Variants in TBL1X observed in about 807,000 individuals in gnomAD.
TBL1X encodes transducin beta like 1 X-linked, also known as F-box-like/WD repeat-containing protein TBL1X.
In TBL1X, 10 loss-of-function variants were observed where a neutral mutation model predicts 50.7. The observed-to-expected ratio is 0.20, with a 90% confidence interval of 0.12 to 0.33. TBL1X has a LOEUF of 0.33. Ranked by LOEUF, TBL1X falls within the 10% of genes least tolerant of loss-of-function variation. The pLI is 1.00. For missense variants in TBL1X, 340 were observed against 504.4 expected (o/e 0.67, Z 3.12); for synonymous variants, 190 against 214.7 (o/e 0.88, Z 1.01).
chrX:9,633,900 G>T (rs2082733246), intron 2 of TBL1X, among the ~76,000 whole-genome samples: 2 of 111,588 alleles, frequency 1.8e-5, no homozygotes, highest in African/African-American at 6.5e-5. Flanking sequence ...TAGACACCTG[G>T]ACAAGTCCAT....
chrX:9,579,303 AATG>A (rs1226320655), intron 2 of TBL1X, among the ~76,000 whole-genome samples: 2 of 112,249 alleles, frequency 1.8e-5, no homozygotes, highest in East Asian at 5.6e-4. Flanking sequence ...TGTCATCACA[AATG>A]ATGATCTTAA....
intron 1 of TBL1X, among the ~76,000 whole-genome samples, chrX:9,493,872 TG>T (rs2081959253): frequency 8.9e-6 from 1 of 112,075 alleles, no homozygotes; most frequent in Admixed American, 9.5e-5. Context: ...AACCCTCTCG[TG>T]GGAACAGAAA....
rs113068954 is a variant in TBL1X, at chrX:9,558,542, AT to A, written c.-131+56694del. The stretch of plus-strand genomic sequence containing the variant: ...CAAAAAAAAAAGGAAGGAAAAAAAA[AT>A]ATATATATATATGTATATAAAAATT... On this transcript the variant is annotated intron_variant, in intron 2 of 17. Transcript: ENST00000645353. Among the ~76,000 whole-genome samples, 952 of 108,819 alleles carry A rather than the reference AT, an allele frequency of 8.7e-3. 5 individuals are homozygous for A. Among genetic ancestry groups the A allele is most frequent in the African/African-American group, 0.029 (868 of 29,620 alleles). The allele number at this position is 108,819 out of a possible 115,157, so 94.5% of individuals were successfully genotyped here. A position where few individuals can be genotyped will look rare whatever the true frequency, so the allele number is the denominator to read the frequency against.
intron 2 of TBL1X, among the ~76,000 whole-genome samples, chrX:9,517,436 A>T (rs1175106143): frequency 9.0e-6 from 1 of 111,706 alleles, no homozygotes; most frequent in Non-Finnish European, 1.9e-5. Flanking sequence ...GTATTATAGC[A>T]GGGACCTTTT....
chrX:9,625,435 C>T (rs2082687511), intron 2 of TBL1X, among the ~76,000 whole-genome samples: 1 of 112,085 alleles, frequency 8.9e-6, no homozygotes, highest in Non-Finnish European at 1.9e-5. Flanking sequence ...GGGGGACATG[C>T]AGCCCTCAGC....
At chrX:9,642,985 G>A (rs1448452216) in intron 3 of TBL1X, among the ~76,000 whole-genome samples, 2 of 112,515 alleles carry the variant, frequency 1.8e-5, no homozygotes, top group Admixed American at 9.4e-5. Flanking sequence ...GCCCACCCAA[G>A]GGCCATGATG....
rs1023899366 is a variant in TBL1X, at chrX:9,697,395, A to G, written c.1080A>G (p.Thr360=). ...DKTTIIWDAH[T]GEAKQQFPFH... ...CAACAATAATTTGGGATGCCCACAC[A>G]GGAGAAGCCAAACAGCAGTTTCCTT... Residue 360 remains threonine (T), a synonymous_variant, in exon 12 of 18, where the codon ACA becomes ACG. Coordinates refer to ENST00000645353, the MANE Select transcript of TBL1X (RefSeq NM_005647.4). 1 of 1,211,222 alleles carries G rather than the reference A, an allele frequency of 8.3e-7. No homozygotes were observed. Among genetic ancestry groups the G allele is most frequent in the Non-Finnish European group, 1.1e-6 (1 of 895,613 alleles).
At chrX:9,522,873 C>T (rs1382977243) in intron 2 of TBL1X, among the ~76,000 whole-genome samples, 2 of 111,859 alleles carry the variant, frequency 1.8e-5, no homozygotes, top group Non-Finnish European at 3.8e-5. Context: ...GACATTTCCC[C>T]ATGGGAAAGG....
chrX:9,550,963 C>T (rs775315818), intron 2 of TBL1X, among the ~76,000 whole-genome samples: 2 of 110,403 alleles, frequency 1.8e-5, no homozygotes, highest in Non-Finnish European at 3.8e-5. Context: ...GCAGGACAGC[C>T]CCCCCCCAAC....
At chrX:9,713,581 C>T (rs775444025) in intron 16 of TBL1X, among the ~76,000 whole-genome samples, 55 of 108,813 alleles carry the variant, frequency 5.1e-4, no homozygotes, top group Non-Finnish European at 2.5e-4. Context: ...GTGCGCACCA[C>T]CACAGCCGGC....
At chrX:9,623,853 A>G (rs902256290) in intron 2 of TBL1X, among the ~76,000 whole-genome samples, 2 of 111,970 alleles carry the variant, frequency 1.8e-5, no homozygotes, top group African/African-American at 6.5e-5. Flanking sequence ...CATCCTACAC[A>G]TTATTTGTCA....
In TBL1X at chrX:9,557,939, C is replaced by T. The variant is rs1329034788; in HGVS notation, c.-131+56090C>T. On this transcript the variant is annotated intron_variant, in intron 2 of 17. Coordinates refer to ENST00000645353, the MANE Select transcript of TBL1X (RefSeq NM_005647.4). The stretch of plus-strand genomic sequence containing the variant: ...GGAATTCCCAGTCAAATCTGTGAAA[C>T]AATTTTAATGCTAGATGTTTTGTAA... Among the ~76,000 whole-genome samples, 7 of 112,337 alleles carry T rather than the reference C, an allele frequency of 6.2e-5. No individual in the cohort carries two copies. The East Asian group carries it at 1.7e-3, about 27-fold the overall frequency.
At chrX:9,516,193 C>T (rs899545135) in intron 2 of TBL1X, among the ~76,000 whole-genome samples, 1 of 111,125 alleles carries the variant, frequency 9.0e-6, no homozygotes, top group Non-Finnish European at 1.9e-5. Flanking sequence ...TCCGTGTTGC[C>T]ACAATTAAGA....
At chrX:9,593,638 A>T (rs748976032) in intron 2 of TBL1X, among the ~76,000 whole-genome samples, 15 of 110,120 alleles carry the variant, frequency 1.4e-4, no homozygotes, top group Non-Finnish European at 1.5e-4. Context: ...TACTCCAGTG[A>T]TGGAGACCCT....
chrX:9,703,992 GGAAGTTGTT>G (rs2083191350), intron 12 of TBL1X, among the ~76,000 whole-genome samples: 1 of 111,801 alleles, frequency 8.9e-6, no homozygotes, highest in African/African-American at 3.3e-5. Context: ...TGGTACATTG[GGAAGTTGTT>G]GGATTCCCAG....
At chrX:9,585,347 C>G (rs868421628) in intron 2 of TBL1X, among the ~76,000 whole-genome samples, 2 of 95,378 alleles carry the variant, frequency 2.1e-5, no homozygotes, top group Non-Finnish European at 4.2e-5. Context: ...CCCTCCCCCC[C>G]CCGCCACAGC....
At chrX:9,629,336 C>T (rs761657301) in intron 2 of TBL1X, among the ~76,000 whole-genome samples, 27 of 112,442 alleles carry the variant, frequency 2.4e-4, no homozygotes, top group African/African-American at 8.1e-4. Context: ...CACGTGACTA[C>T]GATGGCTGCA....
chrX:9,696,968 A>G (rs765655211), intron 11 of TBL1X, among the ~76,000 whole-genome samples: 18 of 112,307 alleles, frequency 1.6e-4, no homozygotes, highest in Admixed American at 5.7e-4. Context: ...CTCAGGCATA[A>G]ATGAGTTAAG....
At chrX:9,631,199 G>A (rs1183069038) in intron 2 of TBL1X, among the ~76,000 whole-genome samples, 2 of 111,094 alleles carry the variant, frequency 1.8e-5, no homozygotes, top group Non-Finnish European at 1.9e-5. Context: ...AGGTAAACTC[G>A]TGTCATGGGG....
Sources: gnomAD v4.1 joint callset for allele counts (sites outside exome capture counted in the v4.1 genomes callset) on GRCh38, gnomAD v4.1.1 for gene constraint, MANE v1.5 for transcripts, NCBI Gene and HGNC (gene_info 2026-07-23, HGNC 2026-07-21) for gene names.